The following CCSER1 variants were observed in gnomAD, a reference collection of about 807,000 sequenced individuals.
CCSER1 encodes the protein coiled-coil serine rich protein 1.
CCSER1 carries 41 observed loss-of-function variants against 82.0 expected under a neutral mutation model. The observed-to-expected ratio is 0.50, with a 90% CI of 0.39 to 0.65. The LOEUF is 0.65. Ranked by LOEUF, CCSER1 falls within the 30% of genes least tolerant of loss-of-function variation. The pLI, the probability that CCSER1 is intolerant of heterozygous loss-of-function variation, is 0.00. For missense variants in CCSER1, 1,119 were observed against 1,064.2 expected (o/e 1.05, Z -0.72); for synonymous variants, 414 against 383.9 (o/e 1.08, Z -0.92).
chr4:90,708,312 C>T (rs1242509089), intron 6 of CCSER1, among the ~76,000 whole-genome samples: 1 of 152,152 alleles, frequency 6.6e-6, no homozygotes, highest in Non-Finnish European at 1.5e-5. Flanking sequence ...AGTAAAAAGC[C>T]AACTGTACAA....
At chr4:91,029,814 A>T (rs1305295326) in intron 9 of CCSER1, among the ~76,000 whole-genome samples, 1 of 152,104 alleles carries the variant, frequency 6.6e-6, no homozygotes, top group East Asian at 1.9e-4. Context: ...TTAGAACAGT[A>T]CTGTAAGTTC....
intron 8 of CCSER1, among the ~76,000 whole-genome samples, chr4:90,869,654 C>A (rs553320596): frequency 1.1e-3 from 161 of 151,270 alleles, no homozygotes; most frequent in Non-Finnish European, 1.4e-3. Flanking sequence ...TCCAGTTTTG[C>A]TCTTTTTGCT....
chr4:91,413,630 T>A (rs966888146), intron 10 of CCSER1, among the ~76,000 whole-genome samples: 26 of 152,048 alleles, frequency 1.7e-4, no homozygotes, highest in African/African-American at 6.3e-4. Context: ...GCCAGAAAGC[T>A]TATTTAAAGA....
intron 3 of CCSER1, among the ~76,000 whole-genome samples, chr4:90,384,116 G>T (rs1311647494): frequency 6.6e-6 from 1 of 150,482 alleles, no homozygotes; most frequent in African/African-American, 2.4e-5. Flanking sequence ...TTGTTTTTTT[G>T]GTGCAATCAT....
At chr4:90,585,077 G>C (rs1204822528) in intron 5 of CCSER1, among the ~76,000 whole-genome samples, 1 of 152,110 alleles carries the variant, frequency 6.6e-6, no homozygotes, top group East Asian at 1.9e-4. Flanking sequence ...GAATTGAGCA[G>C]ACCCTTAACC....
At chr4:90,159,507 G>C (rs1222957093) in intron 1 of CCSER1, among the ~76,000 whole-genome samples, 1 of 152,172 alleles carries the variant, frequency 6.6e-6, no homozygotes, top group Non-Finnish European at 1.5e-5. Flanking sequence ...TTCCTTACTA[G>C]AGAGAGAACA....
chr4:90,879,118 A>C (rs1400830312), intron 8 of CCSER1, among the ~76,000 whole-genome samples: 1 of 152,114 alleles, frequency 6.6e-6, no homozygotes, highest in African/African-American at 2.4e-5. Flanking sequence ...ACATAACTTC[A>C]CTGCCTTTAT....
chr4:90,234,296 A>T (rs1745329405), intron 1 of CCSER1, among the ~76,000 whole-genome samples: 1 of 151,298 alleles, frequency 6.6e-6, no homozygotes, highest in African/African-American at 2.4e-5. Flanking sequence ...AGCTCACTGC[A>T]AAGTTTTGCT....
chr4:91,577,959 A>T (rs576232269), intron 10 of CCSER1, among the ~76,000 whole-genome samples: 208 of 152,156 alleles, frequency 1.4e-3, no homozygotes, highest in African/African-American at 4.7e-3. Flanking sequence ...TCAATGTTTA[A>T]AATGCCACTT....
chr4:90,226,418 C>T (rs995116714), intron 1 of CCSER1, among the ~76,000 whole-genome samples: 1 of 152,260 alleles, frequency 6.6e-6, no homozygotes, highest in Non-Finnish European at 1.5e-5. Context: ...ACTGGGCCCT[C>T]AGGCAAGGTG....
In CCSER1 at chr4:90,171,419, T is replaced by C. The variant is rs188422817; in HGVS notation, c.-42+43588T>C. On this transcript the variant is annotated intron_variant, in intron 1 of 10. Transcript: ENST00000509176. ...GATGTAAAGTAACCATTTACTACTA[T>C]TAAATCTTGTCTCAGCTTTGTTTTT... is the stretch of plus-strand genomic sequence containing the variant. 7.4e-3 allele frequency among the ~76,000 whole-genome samples: 1,119 copies of C among 152,070 alleles called. 13 individuals carry two copies. Among genetic ancestry groups the C allele is most frequent in the Admixed American group, 0.015 (235 of 15,214 alleles).
At chr4:91,411,888 T>C (rs1385366182) in intron 10 of CCSER1, among the ~76,000 whole-genome samples, 1 of 151,378 alleles carries the variant, frequency 6.6e-6, no homozygotes, top group Admixed American at 6.6e-5. Flanking sequence ...ATGGAATCAG[T>C]GGGCCTTAAA....
chr4:90,290,683 C>T (rs1235455628), intron 1 of CCSER1, among the ~76,000 whole-genome samples: 1 of 151,672 alleles, frequency 6.6e-6, no homozygotes, highest in African/African-American at 2.4e-5. Context: ...GCATTTTTTT[C>T]CCTTGTGGAA....
At chr4:90,483,607 T>G (rs562417204) in intron 5 of CCSER1, among the ~76,000 whole-genome samples, 12 of 152,258 alleles carry the variant, frequency 7.9e-5, no homozygotes, top group East Asian at 7.7e-4. Context: ...GTCTGTAAAG[T>G]ATTTTATTTC....
intron 3 of CCSER1, among the ~76,000 whole-genome samples, chr4:90,349,673 C>G (rs548961881): frequency 1.3e-5 from 2 of 152,028 alleles, no homozygotes; most frequent in Non-Finnish European, 2.9e-5. Context: ...CTAAAAGACT[C>G]CTTATCTCTT....
At chr4:90,405,504 T>C (rs1178769009) in intron 4 of CCSER1, among the ~76,000 whole-genome samples, 2 of 152,018 alleles carry the variant, frequency 1.3e-5, no homozygotes, top group Admixed American at 6.6e-5. Context: ...TTCAAGAAGC[T>C]CAAAGAACAC....
intron 10 of CCSER1, among the ~76,000 whole-genome samples, chr4:91,577,452 AAAAAT>A (rs1250560917): frequency 6.6e-6 from 1 of 151,962 alleles, no homozygotes; most frequent in Non-Finnish European, 1.5e-5. Context: ...GAAAGCAGCA[AAAAAT>A]AAAATAAAAA....
chr4:91,247,705 T>C (rs1433321281), intron 10 of CCSER1, among the ~76,000 whole-genome samples: 1 of 151,940 alleles, frequency 6.6e-6, no homozygotes, highest in East Asian at 1.9e-4. Context: ...CTGTCTCTAC[T>C]GAAAATATAA....
chr4:91,233,490 GC>G (rs748066406), intron 10 of CCSER1, among the ~76,000 whole-genome samples: 3 of 151,870 alleles, frequency 2.0e-5, no homozygotes, highest in Non-Finnish European at 4.4e-5. Context: ...AAAACCTAAT[GC>G]CTAATTTAAA....
Sources: gnomAD v4.1 joint callset for allele counts (sites outside exome capture counted in the v4.1 genomes callset) on GRCh38, gnomAD v4.1.1 for gene constraint, MANE v1.5 for transcripts, NCBI Gene and HGNC (gene_info 2026-07-23, HGNC 2026-07-21) for gene names.